Variants in DNAH7 observed in about 807,000 individuals in gnomAD.
DNAH7 encodes the protein axonemal beta dynein heavy chain 7.
DNAH7 carries 397 observed loss-of-function variants against 444.6 expected under a neutral mutation model. The ratio of observed to expected loss-of-function variants is 0.89; its 90% CI spans 0.82 to 0.97. The LOEUF (loss-of-function observed/expected upper bound fraction) is 0.97. DNAH7 is among the 50% of genes least tolerant of loss of function. The pLI is 0.00. For synonymous variants in DNAH7, 1,636 were observed against 1,624.4 expected, an observed-to-expected ratio of 1.01 and a Z score of -0.17; for missense variants, 4,902 against 4,800.8, an observed-to-expected ratio of 1.02 and a Z score of -0.62.
chr2:195,910,286 C>A (rs1253909933), intron 24 of DNAH7, 91 bp from the exon 25 acceptor site: 19 of 1,043,318 alleles, frequency 1.8e-5, no homozygotes, highest in South Asian at 3.8e-5. Context: ...AATTGAGAAC[C>A]AAACCTCCAG....
intron 54 of DNAH7, among the ~76,000 whole-genome samples, chr2:195,801,113 C>G (rs559849904): frequency 2.0e-5 from 3 of 152,308 alleles, no homozygotes; most frequent in Middle Eastern, 3.4e-3. Flanking sequence ...CAAGCAGATG[C>G]TGATGCCATG....
intron 17 of DNAH7, among the ~76,000 whole-genome samples, 198 bp from the exon 18 acceptor site, chr2:195,961,143 A>G (rs77605084): frequency 0.018 from 2,728 of 152,308 alleles, 78 homozygotes; most frequent in African/African-American, 0.061. Context: ...AAAAATGTAC[A>G]TATTTATGGT....
At chr2:196,026,545 G>A (rs1216119217) in intron 7 of DNAH7, among the ~76,000 whole-genome samples, 1 of 151,998 alleles carries the variant, frequency 6.6e-6, no homozygotes, top group Non-Finnish European at 1.5e-5. Context: ...TATCCTTTGT[G>A]GTGGGGATAT....
Position 196,048,388 on chromosome 2 carries a change from T to C in DNAH7, c.158A>G (p.His53Arg). The C allele has an allele frequency of 6.2e-7, 1 of 1,613,936 alleles. No individual in the cohort carries two copies. The highest frequency in any genetic ancestry group is 8.5e-7 in the Non-Finnish European group (1 of 1,179,888). The change falls in exon 4 of 65, where the codon CAC (histidine) becomes CGC (arginine). Residue 53 changes from histidine to arginine, a missense_variant. His to Arg is a conservative substitution (Grantham distance 29). Coordinates refer to ENST00000312428, the MANE Select transcript of DNAH7 (RefSeq NM_018897.3). ...GAATGATGGAGCTGCCTGCTGCCAG[T>C]GGGGCTTTGTACTCACCTAAAATAC... ...PQLSMVSTKP[H>R]WQQAAPSFHL...
chr2:195,794,649 GA>G, intron 56 of DNAH7, 111 bp from the exon 57 acceptor site: 1 of 962,844 alleles, frequency 1.0e-6, no homozygotes, highest in Non-Finnish European at 1.6e-6. Flanking sequence ...TTACAAAGTA[GA>G]AATGTAACTG....
At position 195,845,158 on chromosome 2, in the gene DNAH7, GT is replaced by G; in HGVS notation, c.8788del (p.Thr2930LeufsTer29). 1 of 1,607,230 alleles carries G rather than the reference GT, an allele frequency of 6.2e-7. No individual in the cohort carries two copies. The highest frequency in any genetic ancestry group is 8.5e-7 in the Non-Finnish European group (1 of 1,177,586). On this transcript the variant is annotated frameshift_variant, in exon 47 of 65. Transcript: ENST00000312428. LOFTEE classifies it high-confidence loss of function. Reference protein sequence around the residue: ...AFTSTYRQNQTKEWTTLCKGR... With the variant: ...AFTSTYRQNQXKEWTTLCKGR... ...TTTGCACAAAGTTGTCCACTCTTTA[GT>G]TTGATTCTTTAGAACATCCACAGAA...
intron 15 of DNAH7, among the ~76,000 whole-genome samples, chr2:195,982,373 T>C (rs1692631925): frequency 6.6e-6 from 1 of 152,206 alleles, no homozygotes; most frequent in African/African-American, 2.4e-5. Flanking sequence ...CCTCTTACAC[T>C]GGTGGTGGGA....
chr2:195,881,744 TTC>T (rs1255332915), intron 36 of DNAH7, 49 bp downstream of exon 36: 1 of 1,535,022 alleles, frequency 6.5e-7, no homozygotes. Context: ...TTCAAAAACA[TTC>T]TTAGGAAGAT....
In DNAH7 at chr2:195,951,757, C is replaced by CT. The variant is rs953780462; in HGVS notation, c.3078+5503dup. ...TTATCAGAGACTAGGATTGCAACCT[C>CT]TTTTTTTTTTCTTTCCATTTGCTTG... On this transcript the variant is annotated intron_variant, in intron 19 of 64. Transcript: ENST00000312428. Among the ~76,000 whole-genome samples, 101 of 149,470 alleles carry CT rather than the reference C, an allele frequency of 6.8e-4. 1 individual carries two copies. The highest frequency in any genetic ancestry group is 2.3e-3 in the African/African-American group (93 of 40,828).
chr2:195,934,444 T>C, intron 21 of DNAH7, 147 bp downstream of exon 21: 1 of 862,222 alleles, frequency 1.2e-6, no homozygotes, highest in Non-Finnish European at 1.8e-6. Flanking sequence ...AGAACATCTC[T>C]TTGCCTTCAA....
intron 63 of DNAH7, among the ~76,000 whole-genome samples, chr2:195,753,211 C>A (rs2105906046): frequency 6.6e-6 from 1 of 151,222 alleles, no homozygotes; most frequent in East Asian, 1.9e-4. Context: ...TAAAAGCTCT[C>A]TTCAGATGGC....
chr2:196,035,012 T>C (rs76920427), intron 5 of DNAH7, among the ~76,000 whole-genome samples: 1 of 152,150 alleles, frequency 6.6e-6, no homozygotes. Flanking sequence ...TGAAACCTCA[T>C]CTCTACTAAA....
At chr2:195,884,350 A>C (rs912203476) in intron 35 of DNAH7, among the ~76,000 whole-genome samples, 2 of 152,226 alleles carry the variant, frequency 1.3e-5, no homozygotes, top group African/African-American at 4.8e-5. Flanking sequence ...GTATCATTGG[A>C]AAGAACTATG....
chr2:195,819,250 TAACTC>T (rs1697355961), intron 49 of DNAH7, among the ~76,000 whole-genome samples: 1 of 152,176 alleles, frequency 6.6e-6, no homozygotes, highest in Non-Finnish European at 1.5e-5. Context: ...ATAGGGGTCT[TAACTC>T]ATTACAGCAC....
chr2:195,995,483 GA>G, intron 12 of DNAH7: 1 of 346,276 alleles, frequency 2.9e-6, no homozygotes, highest in South Asian at 2.5e-5. Context: ...CAGGGGTTTT[GA>G]AACCATCTGA....
At chr2:196,066,709 T>A (rs1698447959) in intron 1 of DNAH7, among the ~76,000 whole-genome samples, 1 of 152,224 alleles carries the variant, frequency 6.6e-6, no homozygotes, top group Non-Finnish European at 1.5e-5. Flanking sequence ...AAATTCCATG[T>A]CACTCTCAAC....
Position 195,737,795 on chromosome 2 carries a change from A to G in DNAH7, c.*126T>C. On this transcript the variant is annotated 3_prime_UTR_variant, in exon 65 of 65. Transcript: ENST00000312428. ...GTTTAGCTGCATTTGCTCATAAGTA[A>G]ATTCATAATTATAACTTTAGTCAAA... 1.2e-6 allele frequency: 1 copy of G among 800,310 alleles called. No homozygotes were observed. Among genetic ancestry groups the G allele is most frequent in the Non-Finnish European group, 1.9e-6 (1 of 516,044 alleles). 49.6% of individuals were successfully genotyped at this position (800,310 alleles called of 1,614,324 possible).
chr2:196,009,024 A>G (rs1694559028), intron 10 of DNAH7, among the ~76,000 whole-genome samples: 1 of 152,162 alleles, frequency 6.6e-6, no homozygotes, highest in Non-Finnish European at 1.5e-5. Flanking sequence ...AGCGAGTGCA[A>G]GAGAGCAAGG....
chr2:195,984,496 T>C, intron 15 of DNAH7, 136 bp downstream of exon 15: 2 of 828,870 alleles, frequency 2.4e-6, no homozygotes, highest in South Asian at 3.6e-5. Flanking sequence ...TACAGGCGCA[T>C]GCCACCACAC....
Sources: allele counts gnomAD v4.1 joint callset (sites outside exome capture counted in the v4.1 genomes callset), GRCh38; gene constraint gnomAD v4.1.1; transcripts MANE v1.5; gene names NCBI Gene and HGNC (gene_info 2026-07-23, HGNC 2026-07-21).